The following ZNF385D variants were observed in gnomAD, a reference collection of about 807,000 sequenced individuals.
ZNF385D encodes the protein zinc finger protein 659.
A neutral mutation model predicts 35.8 loss-of-function variants in ZNF385D; 15 were observed. That is an observed-to-expected ratio of 0.42 (90% CI 0.28 to 0.64). The LOEUF (loss-of-function observed/expected upper bound fraction) is 0.64. ZNF385D is among the 30% of genes least tolerant of loss of function. The probability of loss-of-function intolerance (pLI) is 0.23; values close to 1 mark genes in which losing one functional copy is unlikely to be tolerated. For synonymous variants in ZNF385D, 212 were observed against 186.8 expected, an observed-to-expected ratio of 1.13 and a Z score of -1.10; for missense variants, 474 against 494.6, an observed-to-expected ratio of 0.96 and a Z score of 0.39.
intron 3 of ZNF385D, among the ~76,000 whole-genome samples, chr3:22,008,372 T>TTTTTTTTTTTTTGG (rs1696352106): frequency 2.7e-5 from 4 of 150,560 alleles, no homozygotes; most frequent in African/African-American, 7.4e-5. Context: ...TTTTTTTTTT[T>TTTTTTTTTTTTTGG]GAGGCGGAGT....
In ZNF385D at chr3:21,539,258, T is replaced by C. The variant is rs1231891727; in HGVS notation, c.276+25316A>G. Among the ~76,000 whole-genome samples the C allele has an allele frequency of 6.6e-6, 1 of 152,186 alleles. No homozygotes were observed. Among genetic ancestry groups the C allele is most frequent in the African/African-American group, 2.4e-5 (1 of 41,454 alleles). ...AAAACACTGAATGCCTATTCAGTGC[T>C]GTGTGGCTTCTACATTTCTACATAG... On this transcript the variant is annotated intron_variant, in intron 3 of 7. Transcript: ENST00000281523. The surrounding 1 kb of genome is among the most constrained non-coding windows in gnomAD (Gnocchi z 4.0).
chr3:21,546,599 G>A (rs911771237), intron 3 of ZNF385D, among the ~76,000 whole-genome samples: 3 of 151,712 alleles, frequency 2.0e-5, no homozygotes, highest in Admixed American at 1.3e-4. Flanking sequence ...CAAGCTTTAG[G>A]TCAAAGCTCT....
chr3:21,770,737 G>A (rs1019735728), intron 3 of ZNF385D, among the ~76,000 whole-genome samples: 4 of 152,082 alleles, frequency 2.6e-5, no homozygotes, highest in African/African-American at 9.7e-5. Flanking sequence ...TCCCATTACT[G>A]GGTATATTCC....
At chr3:22,225,904 C>A (rs1698524685) in intron 2 of ZNF385D, among the ~76,000 whole-genome samples, 1 of 152,080 alleles carries the variant, frequency 6.6e-6, no homozygotes, top group African/African-American at 2.4e-5. Flanking sequence ...TAGTTTAGGT[C>A]AAATTGTTGT....
At chr3:21,858,472 T>C (rs1299632945) in intron 3 of ZNF385D, among the ~76,000 whole-genome samples, 1 of 151,988 alleles carries the variant, frequency 6.6e-6, no homozygotes, top group African/African-American at 2.4e-5. Flanking sequence ...AAAGGTTAAT[T>C]AGCTCATGAG....
intron 2 of ZNF385D, among the ~76,000 whole-genome samples, chr3:21,641,952 C>T (rs1194178865): frequency 6.6e-6 from 1 of 152,254 alleles, no homozygotes; most frequent in East Asian, 1.9e-4. Flanking sequence ...AAAGGACTAC[C>T]TGAAGGCAAG....
chr3:21,718,229 C>T (rs1218069262), intron 1 of ZNF385D, among the ~76,000 whole-genome samples: 1 of 152,220 alleles, frequency 6.6e-6, no homozygotes, highest in Non-Finnish European at 1.5e-5. Flanking sequence ...TCTTGGAATG[C>T]TTTTCCAGAT....
chr3:21,827,169 A>C (rs1215108088), intron 3 of ZNF385D, among the ~76,000 whole-genome samples: 5 of 152,164 alleles, frequency 3.3e-5, no homozygotes, highest in East Asian at 3.9e-4. Flanking sequence ...AGTATTCAAT[A>C]TTTCTTAGCT....
chr3:22,134,934 TAGA>T (rs1260460173), intron 3 of ZNF385D, among the ~76,000 whole-genome samples: 1 of 152,212 alleles, frequency 6.6e-6, no homozygotes, highest in Non-Finnish European at 1.5e-5. Context: ...CACTAGTACG[TAGA>T]AGATTATGTT....
intron 2 of ZNF385D, among the ~76,000 whole-genome samples, chr3:22,340,457 C>T (rs1695371713): frequency 6.6e-6 from 1 of 152,056 alleles, no homozygotes; most frequent in African/African-American, 2.4e-5. Context: ...ACCAGCCTGG[C>T]CAACATGGTG....
At chr3:22,080,631 A>G (rs6785687) in intron 3 of ZNF385D, among the ~76,000 whole-genome samples, 53,720 of 151,828 alleles carry the variant, frequency 0.35, 9,829 homozygotes, top group Non-Finnish European at 0.39. Context: ...TTCCGTATCC[A>G]TTTTATATAT....
chr3:22,091,647 C>G (rs1701337575), intron 3 of ZNF385D, among the ~76,000 whole-genome samples: 1 of 152,138 alleles, frequency 6.6e-6, no homozygotes, highest in Non-Finnish European at 1.5e-5. Context: ...GAAACAGCTT[C>G]TCACCTATTT....
chr3:21,742,381 G>C (rs2069558561), intron 1 of ZNF385D, among the ~76,000 whole-genome samples: 1 of 152,138 alleles, frequency 6.6e-6, no homozygotes, highest in African/African-American at 2.4e-5. Context: ...ACTTGAGGTG[G>C]CTTTGCAGAA....
intron 3 of ZNF385D, among the ~76,000 whole-genome samples, chr3:21,767,641 ATGAAT>A (rs2070888248): frequency 6.6e-6 from 1 of 151,844 alleles, no homozygotes; most frequent in African/African-American, 2.4e-5. Context: ...GGATGGATGA[ATGAAT>A]TGATGAGTGG....
At chr3:22,021,140 C>G (rs1195299460) in intron 3 of ZNF385D, among the ~76,000 whole-genome samples, 1 of 151,676 alleles carries the variant, frequency 6.6e-6, no homozygotes, top group Admixed American at 6.6e-5. Context: ...TGAGAAACTA[C>G]TTAATGGGTA....
chr3:21,570,176 C>T (rs1415196914), intron 2 of ZNF385D, among the ~76,000 whole-genome samples: 2 of 152,062 alleles, frequency 1.3e-5, no homozygotes, highest in Admixed American at 6.6e-5. Flanking sequence ...TACCCAAACT[C>T]TAGGCTAAAA....
chr3:21,811,348 G>C (rs1205803650), intron 3 of ZNF385D, among the ~76,000 whole-genome samples: 1 of 152,002 alleles, frequency 6.6e-6, no homozygotes, highest in African/African-American at 2.4e-5. Context: ...GACTGGGAGA[G>C]GAAATATTCA....
chr3:22,071,054 A>T (rs1031911482), intron 3 of ZNF385D, among the ~76,000 whole-genome samples: 1 of 152,120 alleles, frequency 6.6e-6, no homozygotes, highest in Non-Finnish European at 1.5e-5. Context: ...TGATGCACTG[A>T]ACACTTTGAA....
intron 3 of ZNF385D, among the ~76,000 whole-genome samples, chr3:22,092,307 T>C (rs1701374262): frequency 1.3e-5 from 2 of 152,322 alleles, no homozygotes; most frequent in South Asian, 2.1e-4. Context: ...TCCCAGGTTC[T>C]TTTATGCTTC....
Sources: gnomAD v4.1 joint callset for allele counts (sites outside exome capture counted in the v4.1 genomes callset) on GRCh38, gnomAD v4.1.1 for gene constraint, Gnocchi (gnomAD v3.1) non-coding constraint, MANE v1.5 for transcripts, NCBI Gene and HGNC (gene_info 2026-07-23, HGNC 2026-07-21) for gene names.